Variants in GREB1 observed in about 807,000 individuals in gnomAD.
GREB1 encodes the protein protein GREB1.
A neutral mutation model predicts 200.7 loss-of-function variants in GREB1; 106 were observed. That is an observed-to-expected ratio of 0.53 (90% CI 0.45 to 0.62). The LOEUF (loss-of-function observed/expected upper bound fraction) is 0.62. Among genes scored for constraint, GREB1 ranks in the 20% least tolerant of loss-of-function variants. GREB1 has a pLI of 0.00. For synonymous variants in GREB1, 1,132 were observed against 1,092.4 expected (o/e 1.04, Z -0.72); for missense variants, 2,243 against 2,556.8 (o/e 0.88, Z 2.65).
intron 11 of GREB1, among the ~76,000 whole-genome samples, chr2:11,594,978 G>A (rs1163069544): frequency 6.7e-6 from 1 of 148,930 alleles, no homozygotes; most frequent in East Asian, 2.0e-4. Context: ...GCAGGTGTGA[G>A]CCACTGTGCC....
At chr2:11,534,395 A>G (rs1674194558) in intron 1 of GREB1, 141 bp downstream of exon 1, 2 of 152,216 alleles carry the variant, frequency 1.3e-5, no homozygotes. Flanking sequence ...AAAACCCACA[A>G]GGTATTCAAA....
At chr2:11,524,233 G>A (rs932397711) in intron 1 of GREB1, among the ~76,000 whole-genome samples, 1 of 152,226 alleles carries the variant, frequency 6.6e-6, no homozygotes, top group Non-Finnish European at 1.5e-5. Context: ...CTGGTGAAGA[G>A]GAAAGAGCTT....
intron 1 of GREB1, among the ~76,000 whole-genome samples, chr2:11,502,301 G>T (rs1362608957): frequency 1.3e-5 from 2 of 149,294 alleles, no homozygotes; most frequent in Non-Finnish European, 3.0e-5. Flanking sequence ...GCTCACTGCA[G>T]CCTCGACTTC....
In GREB1 at chr2:11,635,425, G is replaced by A; in HGVS notation, c.5346+20G>A. On this transcript the variant is annotated intron_variant, in intron 30 of 32. Coordinates refer to ENST00000381486, the MANE Select transcript of GREB1 (RefSeq NM_014668.4). ...TCCAAGGTGAGCTCCTCGCTGCTGG[G>A]CAGGCCTCTATGTCCACCGCCTGGG... 6.3e-7 allele frequency: 1 copy of A among 1,590,320 alleles called. No individual in the cohort carries two copies. The highest frequency in any genetic ancestry group is 8.6e-7 in the Non-Finnish European group (1 of 1,168,204).
In GREB1 at chr2:11,578,287, G is replaced by A. The variant is rs1195140909; in HGVS notation, c.638-10G>A. 6 of 1,608,504 alleles carry A rather than the reference G, an allele frequency of 3.7e-6. No homozygotes were observed. The highest frequency in any genetic ancestry group is 1.7e-5 in the Admixed American group (1 of 59,754). ...GAGTTGGTTTTCACGTGTGCACCTT[G>A]CCCCCTTAGAGTTTAGAAGCCGGCA... On this transcript the variant is annotated splice_polypyrimidine_tract_variant and intron_variant, in intron 5 of 32. Transcript: ENST00000381486.
intron 1 of GREB1, among the ~76,000 whole-genome samples, chr2:11,538,607 GTGTTTCTT>G (rs1384692856): frequency 2.8e-5 from 4 of 144,658 alleles, no homozygotes; most frequent in Admixed American, 7.0e-5. Context: ...ACAGGAGCTT[GTGTTTCTT>G]TCTTTCTTTC....
chr2:11,588,868 G>A lies in GREB1; in HGVS notation c.1282G>A (p.Ala428Thr), dbSNP rs1216792951. 1 of 1,614,166 alleles carries A rather than the reference G, an allele frequency of 6.2e-7. No individual in the cohort carries two copies. The highest frequency in any genetic ancestry group is 8.5e-7 in the Non-Finnish European group (1 of 1,180,014). Residue 428 changes from alanine to threonine, a missense_variant, in exon 10 of 33, where the codon GCC (alanine) becomes ACC (threonine). Transcript: ENST00000381486. ...SRAYEQYGASAIQPISEEMQL... is the reference protein window; with the variant it reads ...SRAYEQYGASTIQPISEEMQL... ...GGCATACGAGCAGTACGGCGCCTCT[G>A]CCATCCAGCCCATCTCCGAGGAGAT...
intron 1 of GREB1, among the ~76,000 whole-genome samples, chr2:11,488,131 G>A (rs1207556528): frequency 1.3e-5 from 2 of 152,178 alleles, no homozygotes; most frequent in African/African-American, 4.8e-5. Flanking sequence ...ACCTGGACCA[G>A]CATCAGTGTT....
chr2:11,511,517 G>A (rs973394543), intron 1 of GREB1, among the ~76,000 whole-genome samples: 15 of 152,116 alleles, frequency 9.9e-5, no homozygotes, highest in Non-Finnish European at 1.0e-4. Context: ...AAGCATATTA[G>A]GGGTGGGTGG....
At chr2:11,621,116 C>T (rs924664761) in intron 23 of GREB1, 109 bp downstream of exon 23, 13 of 735,490 alleles carry the variant, frequency 1.8e-5, no homozygotes, top group Admixed American at 1.2e-4. Flanking sequence ...GATTCATGAT[C>T]AGACTCATCC....
chr2:11,618,199 T>TCCTGGGACAGGTCACTCCTGGGATGGGC lies in GREB1; in HGVS notation c.3413-89_3413-88insCCTGGGACAGGTCACTCCTGGGATGGGC. The TCCTGGGACAGGTCACTCCTGGGATGGGC allele has an allele frequency of 9.3e-6, 8 of 859,202 alleles. No homozygotes were observed. In the South Asian group the frequency reaches 2.0e-4, roughly 22 times the overall value. 53.2% of individuals were successfully genotyped at this position (859,202 alleles called of 1,614,324 possible). On this transcript the variant is annotated intron_variant, in intron 21 of 32. Transcript: ENST00000381486. ...TGGGACAGGTCACTCCTGGGATGGGTGACTCCTGGGACAGGTCACTCCTGG... is the reference window on the plus strand; with the variant it reads ...TGGGACAGGTCACTCCTGGGATGGGTCCTGGGACAGGTCACTCCTGGGATGGGCGACTCCTGGGACAGGTCACTCCTGG...
At chr2:11,515,739 C>T (rs573336173) in intron 1 of GREB1, among the ~76,000 whole-genome samples, 3 of 152,334 alleles carry the variant, frequency 2.0e-5, no homozygotes, top group South Asian at 2.1e-4. Context: ...GCCCCTCCTC[C>T]GGGAACAGGA....
At chr2:11,585,681 T>A (rs1680008317) in intron 8 of GREB1, 81 bp from the exon 9 acceptor site, 2 of 1,522,314 alleles carry the variant, frequency 1.3e-6, no homozygotes, top group African/African-American at 1.4e-5. Context: ...GGTAGCAGAT[T>A]TGCTGGCTGG....
At chr2:11,621,090 C>G (rs981419500) in intron 23 of GREB1, 83 bp downstream of exon 23, 25 of 841,756 alleles carry the variant, frequency 3.0e-5, no homozygotes, top group Admixed American at 1.4e-4. Flanking sequence ...ATTTCACTTT[C>G]TAGATGGAAT....
At chr2:11,547,760 G>A (rs1675423246) in intron 1 of GREB1, among the ~76,000 whole-genome samples, 1 of 151,752 alleles carries the variant, frequency 6.6e-6, no homozygotes, top group African/African-American at 2.4e-5. Flanking sequence ...CTTCTTCTCT[G>A]GAATTACCTC....
intron 1 of GREB1, among the ~76,000 whole-genome samples, chr2:11,483,311 TGTATCGGTGTGCGCGCGC>T (rs1672558312): frequency 1.6e-5 from 2 of 127,010 alleles, no homozygotes; most frequent in South Asian, 6.0e-4. Context: ...TGTGTACGCG[TGTATCGGTGTGCGCGCGC>T]GTGTGTGTGT....
At chr2:11,554,572 G>A (rs150626500) in intron 1 of GREB1, among the ~76,000 whole-genome samples, 220 of 152,278 alleles carry the variant, frequency 1.4e-3, no homozygotes, top group African/African-American at 5.1e-3. Flanking sequence ...TTTCATAACT[G>A]GTCTGTGTGC....
chr2:11,521,380 G>A (rs1490990961), intron 1 of GREB1, among the ~76,000 whole-genome samples: 2 of 152,148 alleles, frequency 1.3e-5, no homozygotes, highest in Non-Finnish European at 2.9e-5. Context: ...AAAATGCCGA[G>A]AGTACAGGCA....
chr2:11,625,034 G>A, intron 23 of GREB1, 120 bp from the exon 24 acceptor site: 2 of 794,884 alleles, frequency 2.5e-6, no homozygotes, highest in Non-Finnish European at 4.3e-6. Context: ...TGTTAGCACA[G>A]TGACAGAATC....
Sources: gnomAD v4.1 joint callset for allele counts (sites outside exome capture counted in the v4.1 genomes callset) on GRCh38, gnomAD v4.1.1 for gene constraint, MANE v1.5 for transcripts, NCBI Gene and HGNC (gene_info 2026-07-23, HGNC 2026-07-21) for gene names.